NLN: variants seen among roughly 807,000 people sequenced by gnomAD.
The protein encoded by NLN is neurolysin, also known as neurolysin, mitochondrial.
NLN carries 64 observed loss-of-function variants against 79.9 expected under a neutral mutation model. That is an observed-to-expected ratio of 0.80 (90% CI 0.65 to 0.99). NLN has a LOEUF of 0.99. Ranked by LOEUF, NLN falls within the 50% of genes least tolerant of loss-of-function variation. NLN has a pLI of 0.00. For synonymous variants in NLN, 267 were observed against 296.6 expected, an observed-to-expected ratio of 0.90 and a Z score of 1.02; for missense variants, 835 against 858.7, an observed-to-expected ratio of 0.97 and a Z score of 0.34.
chr5:65,745,294 A>C (rs1407726275), intron 1 of NLN, among the ~76,000 whole-genome samples: 1 of 152,224 alleles, frequency 6.6e-6, no homozygotes, highest in African/African-American at 2.4e-5. Context: ...TTAAAAGCAA[A>C]GTACAAAATC....
intron 11 of NLN, among the ~76,000 whole-genome samples, chr5:65,810,463 C>G (rs1760519941): frequency 6.6e-6 from 1 of 152,198 alleles, no homozygotes; most frequent in Admixed American, 6.5e-5. Context: ...GCTCCTCCCT[C>G]CCTGTATGCA....
chr5:65,818,298 C>T (rs1046280102), intron 12 of NLN, among the ~76,000 whole-genome samples: 1 of 152,232 alleles, frequency 6.6e-6, no homozygotes, highest in Non-Finnish European at 1.5e-5. Context: ...GTTCCCTTCT[C>T]TGCTTCACAA....
intron 1 of NLN, among the ~76,000 whole-genome samples, chr5:65,737,822 T>C (rs1385855575): frequency 6.6e-6 from 1 of 152,148 alleles, no homozygotes; most frequent in African/African-American, 2.4e-5. Flanking sequence ...AAAGTAGACC[T>C]AGTTGTATTA....
rs1216475018 is a variant in NLN at position 65,794,335 on chromosome 5, G to A, written c.1527+1680G>A. Among the ~76,000 whole-genome samples, 3 of 152,168 alleles carry A rather than the reference G, an allele frequency of 2.0e-5. No individual in the cohort carries two copies. In the East Asian group the frequency reaches 5.8e-4, roughly 29 times the overall value. On this transcript the variant is annotated intron_variant, in intron 9 of 12. Coordinates refer to ENST00000380985, the MANE Select transcript of NLN (RefSeq NM_020726.5). ...TGTAAAAAATGCTTCGCAAGGCTAG[G>A]CATGGCAGCTCACACCCACAACCCC...
At chr5:65,779,893 A>T (rs541441932) in intron 4 of NLN, 28 of 249,646 alleles carry the variant, frequency 1.1e-4, no homozygotes, top group African/African-American at 6.4e-4. Flanking sequence ...AACTTACTCA[A>T]TTGATGGTGA....
At chr5:65,798,918 T>C (rs1234920221) in intron 9 of NLN, among the ~76,000 whole-genome samples, 1 of 152,202 alleles carries the variant, frequency 6.6e-6, no homozygotes, top group Non-Finnish European at 1.5e-5. Flanking sequence ...TCTCACTCTG[T>C]CACTCAGGCT....
chr5:65,755,761 T>A (rs1000847880), intron 1 of NLN, among the ~76,000 whole-genome samples: 3 of 152,192 alleles, frequency 2.0e-5, no homozygotes, highest in African/African-American at 7.2e-5. Context: ...GTTGTAAGCA[T>A]CAACTAGTAT....
At chr5:65,759,420 G>GTA (rs757514939) in intron 2 of NLN, among the ~76,000 whole-genome samples, 1,761 of 148,940 alleles carry the variant, frequency 0.012, 16 homozygotes, top group Non-Finnish European at 0.017. Context: ...GTGTGTGTAA[G>GTA]TATATATATA....
intron 1 of NLN, among the ~76,000 whole-genome samples, chr5:65,741,359 A>AT (rs199545342): frequency 9.2e-5 from 14 of 151,714 alleles, no homozygotes; most frequent in African/African-American, 2.4e-4. Context: ...ACTTTGTGAA[A>AT]TTTTTTTTTC....
chr5:65,767,130 G>A (rs1209294719), intron 3 of NLN, among the ~76,000 whole-genome samples: 1 of 152,208 alleles, frequency 6.6e-6, no homozygotes, highest in Admixed American at 6.5e-5. Context: ...ACTCCACTAG[G>A]CAGTGCCCTA....
At chr5:65,781,985 A>G (rs548251116) in intron 6 of NLN, among the ~76,000 whole-genome samples, 99 of 152,256 alleles carry the variant, frequency 6.5e-4, no homozygotes, top group Non-Finnish European at 2.6e-4. Context: ...CCCTCCCCCA[A>G]CACTCCCAGT....
At chr5:65,807,392 A>C (rs1318621628) in intron 9 of NLN, among the ~76,000 whole-genome samples, 1 of 151,974 alleles carries the variant, frequency 6.6e-6, no homozygotes, top group East Asian at 1.9e-4. Flanking sequence ...AGCATTTTTT[A>C]ACATATAAGG....
chr5:65,753,039 A>G (rs542822952), intron 1 of NLN, among the ~76,000 whole-genome samples: 1 of 152,316 alleles, frequency 6.6e-6, no homozygotes, highest in East Asian at 1.9e-4. Flanking sequence ...TATAAAACAT[A>G]TATGTGTCCG....
intron 1 of NLN, among the ~76,000 whole-genome samples, chr5:65,732,435 A>C (rs1301148648): frequency 7.1e-6 from 1 of 141,438 alleles, no homozygotes; most frequent in Non-Finnish European, 1.6e-5. Context: ...GTATGAAAGA[A>C]GGGAAAGTGC....
intron 4 of NLN, among the ~76,000 whole-genome samples, chr5:65,779,080 G>A (rs990382478): frequency 6.6e-5 from 10 of 152,126 alleles, no homozygotes; most frequent in African/African-American, 2.4e-4. Context: ...AGGGGGTTGA[G>A]GGAGAGTATC....
intron 9 of NLN, among the ~76,000 whole-genome samples, chr5:65,803,220 A>C (rs906837157): frequency 2.6e-5 from 4 of 152,078 alleles, no homozygotes; most frequent in African/African-American, 9.7e-5. Context: ...GTGGGGCTTC[A>C]CCAGGGACCC....
At chr5:65,787,888 A>T (rs1282286183) in intron 7 of NLN, among the ~76,000 whole-genome samples, 1 of 152,170 alleles carries the variant, frequency 6.6e-6, no homozygotes, top group African/African-American at 2.4e-5. Context: ...GTGTTAAAAG[A>T]AAAAGGGGCT....
At chr5:65,821,731 A>G (rs1033840504) in intron 12 of NLN, among the ~76,000 whole-genome samples, 2 of 152,204 alleles carry the variant, frequency 1.3e-5, no homozygotes, top group Non-Finnish European at 2.9e-5. Flanking sequence ...GATGATTAAT[A>G]AGCTGCAAAT....
At chr5:65,740,935 G>T (rs897706168) in intron 1 of NLN, 6 of 160,240 alleles carry the variant, frequency 3.7e-5, no homozygotes, top group Non-Finnish European at 7.7e-5. Context: ...GTGCAGTGGC[G>T]TGATCTTGGC....
Sources: gnomAD v4.1 joint callset for allele counts (sites outside exome capture counted in the v4.1 genomes callset) on GRCh38, gnomAD v4.1.1 for gene constraint, MANE v1.5 for transcripts, NCBI Gene and HGNC (gene_info 2026-07-23, HGNC 2026-07-21) for gene names.